ADGRL3: variants seen among roughly 807,000 people sequenced by gnomAD.
ADGRL3 encodes adhesion G protein-coupled receptor L3, also known as calcium-independent alpha-latrotoxin receptor 3.
In ADGRL3, 62 loss-of-function variants were observed where a neutral mutation model predicts 153.5. The observed-to-expected ratio is 0.40, with a 90% CI of 0.33 to 0.50. ADGRL3 has a LOEUF of 0.50. ADGRL3 is among the 20% of genes least tolerant of loss of function. The pLI is 0.47. For synonymous variants in ADGRL3, 710 were observed against 672.5 expected, an observed-to-expected ratio of 1.06 and a Z score of -0.86; for missense variants, 1,641 against 1,859.4, an observed-to-expected ratio of 0.88 and a Z score of 2.16.
At chr4:61,862,132 G>A (rs1004513331) in intron 9 of ADGRL3, among the ~76,000 whole-genome samples, 6 of 152,180 alleles carry the variant, frequency 3.9e-5, no homozygotes. Flanking sequence ...ATAGGAAAAT[G>A]GTAAGGTAGA....
intron 1 of ADGRL3, among the ~76,000 whole-genome samples, chr4:61,337,178 T>G (rs916409960): frequency 6.6e-6 from 1 of 152,152 alleles, no homozygotes; most frequent in African/African-American, 2.4e-5. Flanking sequence ...TCCTGTAGAA[T>G]TCTTAGCTCT....
chr4:61,277,900 A>G (rs2093548592), intron 1 of ADGRL3, among the ~76,000 whole-genome samples: 1 of 152,214 alleles, frequency 6.6e-6, no homozygotes, highest in Non-Finnish European at 1.5e-5. Context: ...ACTGGCATAT[A>G]GACAGATTCT....
At chr4:61,783,665 C>T (rs564619034) in intron 8 of ADGRL3, among the ~76,000 whole-genome samples, 9 of 151,792 alleles carry the variant, frequency 5.9e-5, no homozygotes, top group Non-Finnish European at 1.2e-4. Flanking sequence ...GAGCCTTGGC[C>T]CCATAGATGA....
intron 2 of ADGRL3, among the ~76,000 whole-genome samples, chr4:61,436,550 G>A (rs1292724938): frequency 6.6e-6 from 1 of 152,138 alleles, no homozygotes; most frequent in African/African-American, 2.4e-5. Flanking sequence ...TGTGAACAAG[G>A]AGCATTGCTG....
chr4:61,579,752 G>T, intron 4 of ADGRL3: 5 of 293,290 alleles, frequency 1.7e-5, no homozygotes, highest in Non-Finnish European at 3.4e-5. Flanking sequence ...AGTTGTCTTT[G>T]GTTATTCTTT....
At chr4:61,892,124 G>A (rs1373640922) in intron 9 of ADGRL3, among the ~76,000 whole-genome samples, 1 of 151,288 alleles carries the variant, frequency 6.6e-6, no homozygotes, top group Non-Finnish European at 1.5e-5. Context: ...TGTTTAAGGA[G>A]ACTATATTCA....
At chr4:61,748,050 C>A (rs2096694204) in intron 8 of ADGRL3, among the ~76,000 whole-genome samples, 1 of 151,482 alleles carries the variant, frequency 6.6e-6, no homozygotes, top group African/African-American at 2.4e-5. Context: ...CACAAGCATT[C>A]TTATACACCA....
In ADGRL3 at chr4:62,033,260, GT is replaced by G. The variant is rs142071329; in HGVS notation, c.3591+1659del. 1.7e-3 allele frequency among the ~76,000 whole-genome samples: 257 copies of G among 150,624 alleles called. 1 individual carries two copies. Among genetic ancestry groups the G allele is most frequent in the African/African-American group, 6.1e-3 (250 of 41,190 alleles). ...GGTTCACATGGCTTCTACTCATTTT[GT>G]TTTTTTTTATCAGATAGGGTTCTAT... On this transcript the variant is annotated intron_variant, in intron 23 of 26. Transcript: ENST00000683033.
intron 2 of ADGRL3, among the ~76,000 whole-genome samples, chr4:61,439,623 C>A (rs184544986): frequency 6.6e-4 from 101 of 152,076 alleles, no homozygotes; most frequent in Non-Finnish European, 1.0e-3. Context: ...ACCCCCGACA[C>A]GCCCCGGTAT....
chr4:61,478,237 T>A (rs2098088390), intron 2 of ADGRL3, among the ~76,000 whole-genome samples: 1 of 152,084 alleles, frequency 6.6e-6, no homozygotes, highest in African/African-American at 2.4e-5. Flanking sequence ...TAATTTTAGA[T>A]CTTCTGCTTA....
At chr4:61,204,387 A>G (rs1178081010) in intron 1 of ADGRL3, among the ~76,000 whole-genome samples, 1 of 152,186 alleles carries the variant, frequency 6.6e-6, no homozygotes, top group South Asian at 2.1e-4. Context: ...TATACTTGCA[A>G]ATATTTCTGA....
intron 25 of ADGRL3, among the ~76,000 whole-genome samples, chr4:62,067,739 T>C (rs1743746536): frequency 6.6e-6 from 1 of 152,064 alleles, no homozygotes; most frequent in Admixed American, 6.6e-5. Context: ...ATACTTTTAC[T>C]GAAAAAATTT....
At position 61,732,930 on chromosome 4, in the gene ADGRL3, T is replaced by C; in HGVS notation, c.775T>C (p.Phe259Leu). The change falls in exon 8 of 27, where the codon TTC (phenylalanine) becomes CTC (leucine). Residue 259 changes from phenylalanine (F) to leucine (L), a missense_variant. Physicochemically the swap from Phe to Leu is conservative, Grantham distance 22. Around this residue, in one of 5 missense-constraint regions of ADGRL3, gnomAD observed 213 missense variants for 362.1 expected, o/e 0.59. Transcript: ENST00000683033. Reference protein sequence around the residue: ...TLTEYSSKDDFIAGRPTTTYK... With the variant: ...TLTEYSSKDDLIAGRPTTTYK... ...GACTGAGTATTCATCCAAGGATGAC[T>C]TCATTGCTGGAAGACCAACTACAAC... 1 of 1,613,800 alleles carries C rather than the reference T, an allele frequency of 6.2e-7. No homozygotes were observed. Among genetic ancestry groups the C allele is most frequent in the East Asian group, 2.2e-5 (1 of 44,852 alleles).
chr4:61,847,703 TTA>T lies in ADGRL3; in HGVS notation c.1480+33823_1480+33824del, dbSNP rs1248927307. ...TATTATATATATAATATAAAATATATTATATATATAATATAAAATATATTATA... is the reference window on the plus strand; with the variant it reads ...TATTATATATATAATATAAAATATATTATATATAATATAAAATATATTATA... On this transcript the variant is annotated intron_variant, in intron 9 of 26. Transcript: ENST00000683033. 1.3e-4 allele frequency among the ~76,000 whole-genome samples: 5 copies of T among 37,976 alleles called. 1 individual carries two copies. The highest frequency in any genetic ancestry group is 5.8e-4 in the East Asian group (1 of 1,714). 24.9% of individuals were successfully genotyped at this position (37,976 alleles called of 152,430 possible).
chr4:61,292,405 T>A (rs2094254098), intron 1 of ADGRL3, among the ~76,000 whole-genome samples: 1 of 152,168 alleles, frequency 6.6e-6, no homozygotes. Context: ...TAATATTAAC[T>A]ACAACTTATA....
At chr4:61,928,639 C>G (rs2150070372) in intron 13 of ADGRL3, among the ~76,000 whole-genome samples, 1 of 152,178 alleles carries the variant, frequency 6.6e-6, no homozygotes, top group South Asian at 2.1e-4. Context: ...GATAAATATG[C>G]ATTTCTTATT....
Position 61,935,674 on chromosome 4 carries a change from A to G in ADGRL3, c.2297-249A>G, listed in dbSNP as rs2098835412. ...TTAAGACCAATGACAATGTATTAGAATTTGGGATTGAATTTAAATTTTAGG... is the reference window on the plus strand; with the variant it reads ...TTAAGACCAATGACAATGTATTAGAGTTTGGGATTGAATTTAAATTTTAGG... On this transcript the variant is annotated intron_variant, in intron 14 of 26. Coordinates refer to ENST00000683033, the MANE Select transcript of ADGRL3 (RefSeq NM_001387552.1). 2.0e-5 allele frequency among the ~76,000 whole-genome samples: 3 copies of G among 152,122 alleles called. No individual in the cohort carries two copies. The South Asian group carries it at 6.2e-4, about 31-fold the overall frequency.
intron 2 of ADGRL3, among the ~76,000 whole-genome samples, chr4:61,414,180 T>G (rs2097121249): frequency 6.6e-6 from 1 of 152,204 alleles, no homozygotes; most frequent in Non-Finnish European, 1.5e-5. Flanking sequence ...CTGAAAGCAT[T>G]ACATGCAGAT....
intron 9 of ADGRL3, among the ~76,000 whole-genome samples, chr4:61,863,979 C>T (rs2098375740): frequency 6.6e-6 from 1 of 152,068 alleles, no homozygotes; most frequent in African/African-American, 2.4e-5. Flanking sequence ...TCTAGTTCTG[C>T]AAGAGAATAA....
Sources: gnomAD v4.1 joint callset for allele counts (sites outside exome capture counted in the v4.1 genomes callset) on GRCh38, gnomAD v4.1.1 for gene constraint, gnomAD v4.1.1 regional missense constraint, MANE v1.5 for transcripts, NCBI Gene and HGNC (gene_info 2026-07-23, HGNC 2026-07-21) for gene names.